Variants in IFNG-AS1 observed in about 807,000 individuals in gnomAD.
IFNG-AS1 encodes the protein IFNG regulatory antisense RNA 1.
chr12:67,990,693 A>G (rs971159127), intron 1 of IFNG-AS1, among the ~76,000 whole-genome samples: 1 of 151,780 alleles, frequency 6.6e-6, no homozygotes, highest in African/African-American at 2.4e-5. Context: ...TCCTGACTTC[A>G]AGTGATTCTC....
intron 4 of IFNG-AS1, chr12:68,020,530 C>T (rs1174630868): frequency 1.3e-5 from 2 of 152,136 alleles, no homozygotes; most frequent in African/African-American, 4.8e-5. Flanking sequence ...TGTTTACAAC[C>T]TCTAAGGTGG....
intron 2 of IFNG-AS1, chr12:67,996,117 C>T (rs1378170222): frequency 5.3e-5 from 8 of 152,160 alleles, no homozygotes; most frequent in East Asian, 1.9e-4. Context: ...ACTCACTCAA[C>T]GAACATATAT....
chr12:68,020,731 A>G (rs992500140), intron 4 of IFNG-AS1: 7 of 152,160 alleles, frequency 4.6e-5, no homozygotes, highest in African/African-American at 1.7e-4. Context: ...ATCAACTCTT[A>G]TATTCCCTTA....
chr12:68,014,158 G>T (rs998025757), intron 3 of IFNG-AS1, among the ~76,000 whole-genome samples: 2 of 152,114 alleles, frequency 1.3e-5, no homozygotes, highest in African/African-American at 4.8e-5. Flanking sequence ...CCATCATAAT[G>T]TATACCACAG....
chr12:68,012,561 C>G (rs1476520455), intron 3 of IFNG-AS1, among the ~76,000 whole-genome samples: 3 of 152,220 alleles, frequency 2.0e-5, no homozygotes, highest in Non-Finnish European at 2.9e-5. Flanking sequence ...AAACACTTTT[C>G]ATAAGAATTC....
chr12:68,002,988 G>C (rs1879805283), intron 2 of IFNG-AS1, among the ~76,000 whole-genome samples: 1 of 152,066 alleles, frequency 6.6e-6, no homozygotes, highest in Non-Finnish European at 1.5e-5. Flanking sequence ...CTAGATATAA[G>C]GACTAAGAGC....
At chr12:67,996,947 G>A (rs143272395) in intron 2 of IFNG-AS1, among the ~76,000 whole-genome samples, 3,078 of 152,014 alleles carry the variant, frequency 0.02, 37 homozygotes, top group Non-Finnish European at 0.031. Context: ...TTAAGAAAAG[G>A]CATTAACTAA....
intron 2 of IFNG-AS1, among the ~76,000 whole-genome samples, chr12:67,997,547 CAGA>C (rs778359302): frequency 4.0e-5 from 6 of 150,314 alleles, no homozygotes; most frequent in Non-Finnish European, 7.4e-5. Flanking sequence ...TTTTAAATAG[CAGA>C]AGAAAACATG....
At chr12:68,005,195 C>T (rs1293641542) in intron 2 of IFNG-AS1, among the ~76,000 whole-genome samples, 2 of 152,196 alleles carry the variant, frequency 1.3e-5, no homozygotes, top group Non-Finnish European at 2.9e-5. Flanking sequence ...ATAATGCCTG[C>T]ACCTACTCTC....
chr12:67,990,680 G>A (rs1020786251), intron 1 of IFNG-AS1, among the ~76,000 whole-genome samples: 1 of 151,524 alleles, frequency 6.6e-6, no homozygotes, highest in African/African-American at 2.4e-5. Flanking sequence ...TGCAACCTCC[G>A]CCTCCTGACT....
chr12:68,021,294 AAAC>A (rs1880284379), intron 4 of IFNG-AS1: 1 of 152,230 alleles, frequency 6.6e-6, no homozygotes. Context: ...AACAGCAATA[AAAC>A]AACAACAGTA....
intron 2 of IFNG-AS1, among the ~76,000 whole-genome samples, chr12:67,999,183 T>TGATA (rs746711163): frequency 2.0e-5 from 3 of 152,106 alleles, no homozygotes; most frequent in African/African-American, 7.2e-5. Flanking sequence ...GATAGATAAA[T>TGATA]GATAGATAGA....
chr12:68,005,986 A>AG, intron 2 of IFNG-AS1: 1 of 152,376 alleles, frequency 6.6e-6, no homozygotes, highest in Middle Eastern at 3.4e-3. Flanking sequence ...ATGAATTCTT[A>AG]GGGCCTGGGG....
At chr12:67,997,277 A>G (rs1879662606) in intron 2 of IFNG-AS1, among the ~76,000 whole-genome samples, 1 of 152,114 alleles carries the variant, frequency 6.6e-6, no homozygotes, top group South Asian at 2.1e-4. Flanking sequence ...TTAAGAGTGT[A>G]GGATGCAGGT....
intron 3 of IFNG-AS1, among the ~76,000 whole-genome samples, chr12:68,019,060 GTTTGGGTCTCT>G (rs1285712192): frequency 6.6e-6 from 1 of 152,062 alleles, no homozygotes; most frequent in Non-Finnish European, 1.5e-5. Context: ...TTGATTAAGC[GTTTGGGTCTCT>G]GAGGGAAAAG....
At chr12:68,007,584 C>T (rs1009039802) in intron 3 of IFNG-AS1, among the ~76,000 whole-genome samples, 2 of 152,162 alleles carry the variant, frequency 1.3e-5, no homozygotes, top group Non-Finnish European at 2.9e-5. Flanking sequence ...TTTCTTAATG[C>T]CCTCTCTCCC....
intron 2 of IFNG-AS1, among the ~76,000 whole-genome samples, chr12:68,000,572 T>C (rs1454747510): frequency 2.0e-5 from 3 of 152,026 alleles, no homozygotes; most frequent in African/African-American, 4.8e-5. Context: ...TTGAGAAGGC[T>C]GAGATGGGTG....
chr12:68,001,165 A>G (rs1476686035), intron 2 of IFNG-AS1, among the ~76,000 whole-genome samples: 2 of 152,222 alleles, frequency 1.3e-5, no homozygotes, highest in Admixed American at 1.3e-4. Flanking sequence ...TACATTTTCA[A>G]TAACTTGCTA....
intron 1 of IFNG-AS1, among the ~76,000 whole-genome samples, chr12:67,993,905 T>C (rs943544412): frequency 6.6e-6 from 1 of 152,222 alleles, no homozygotes; most frequent in Non-Finnish European, 1.5e-5. Flanking sequence ...AACATACGTT[T>C]AGTAAATTTA....
Sources: gnomAD v4.1 joint callset for allele counts (sites outside exome capture counted in the v4.1 genomes callset) on GRCh38, gnomAD v4.1.1 for gene constraint, MANE v1.5 for transcripts, NCBI Gene and HGNC (gene_info 2026-07-23, HGNC 2026-07-21) for gene names.